ANGPTL1: variants seen among roughly 807,000 people sequenced by gnomAD.
ANGPTL1 encodes the protein angiopoietin-related protein 1.
In ANGPTL1, 36 loss-of-function variants were observed where a neutral mutation model predicts 46.7. The observed-to-expected ratio is 0.77, with a 90% CI of 0.59 to 1.02. The LOEUF is 1.02. ANGPTL1 is among the 50% of genes least tolerant of loss of function. The probability of loss-of-function intolerance (pLI) is 0.00; values close to 1 mark genes in which losing one functional copy is unlikely to be tolerated. For synonymous variants in ANGPTL1, 221 were observed against 204.3 expected (o/e 1.08, Z -0.69); for missense variants, 571 against 594.7 (o/e 0.96, Z 0.41).
chr1:178,851,499 A>C (rs1422519067), intron 5 of ANGPTL1, among the ~76,000 whole-genome samples, 183 bp from the exon 6 acceptor site: 1 of 152,096 alleles, frequency 6.6e-6, no homozygotes, highest in Non-Finnish European at 1.5e-5. Flanking sequence ...TTGAAAAATC[A>C]CTTGAATTGC....
In ANGPTL1 at chr1:178,865,523, A is replaced by C; in HGVS notation, c.254T>G (p.Leu85Arg). 9 of 1,614,092 alleles carry C rather than the reference A, an allele frequency of 5.6e-6. No homozygotes were observed. The highest frequency in any genetic ancestry group is 7.6e-6 in the Non-Finnish European group (9 of 1,180,000). Residue 85 changes from leucine to arginine, a missense_variant, in exon 3 of 6, where the codon CTT (leucine) becomes CGT (arginine). Transcript: ENST00000234816. ...TIKDMITRMD[L>R]ENLKDVLSRQ... The stretch of plus-strand genomic sequence containing the variant: ...GGAGAGCACATCCTTCAGGTTTTCA[A>C]GGTCCATCCTGGTGATCATGTCTTT...
intron 1 of ANGPTL1, among the ~76,000 whole-genome samples, chr1:178,869,575 G>C (rs1053169780): frequency 6.6e-6 from 1 of 152,086 alleles, no homozygotes; most frequent in Non-Finnish European, 1.5e-5. Flanking sequence ...AGAGATGACA[G>C]TATTTCAGAT....
chr1:178,869,987 T>C (rs1235405790), intron 1 of ANGPTL1, among the ~76,000 whole-genome samples: 2 of 152,138 alleles, frequency 1.3e-5, no homozygotes, highest in Non-Finnish European at 2.9e-5. Flanking sequence ...AATTACATCT[T>C]CTGGGTTCTT....
chr1:178,852,833 A>G lies in ANGPTL1; in HGVS notation c.1138T>C (p.Tyr380His). Reference protein sequence around the residue: ...ELEDWSDKKVYAEYSSFRLEP... With the variant: ...ELEDWSDKKVHAEYSSFRLEP... Reference sequence around the variant, plus strand: ...AGACGAAAGCTGCTGTATTCTGCATAGACTTTTTTATCACTCCAGTCTTCT... The same window carrying G: ...AGACGAAAGCTGCTGTATTCTGCATGGACTTTTTTATCACTCCAGTCTTCT... The change falls in exon 5 of 6, where the codon TAT becomes CAT. Residue 380 changes from tyrosine to histidine, a missense_variant. Coordinates refer to ENST00000234816, the MANE Select transcript of ANGPTL1 (RefSeq NM_004673.4). 1 of 1,613,964 alleles carries G rather than the reference A, an allele frequency of 6.2e-7. No homozygotes were observed. Among genetic ancestry groups the G allele is most frequent in the Non-Finnish European group, 8.5e-7 (1 of 1,179,872 alleles).
At chr1:178,856,202 G>GAGAGAGATATATATATATATATATATAT (rs1428022812) in intron 3 of ANGPTL1, among the ~76,000 whole-genome samples, 2 of 83,912 alleles carry the variant, frequency 2.4e-5, no homozygotes, top group African/African-American at 1.3e-4. Context: ...GAGAGAGAGA[G>GAGAGAGATATATATATATATATATATAT]ATATATATAT....
intron 3 of ANGPTL1, among the ~76,000 whole-genome samples, chr1:178,855,509 A>G (rs1010690711): frequency 3.9e-5 from 6 of 152,040 alleles, no homozygotes; most frequent in Non-Finnish European, 5.9e-5. Context: ...TGCAATATCC[A>G]TAAGTAGTAC....
At position 178,862,115 on chromosome 1, in the gene ANGPTL1, C is replaced by T. The variant is rs558362318; in HGVS notation, c.823+2839G>A. Among the ~76,000 whole-genome samples, 4 of 152,108 alleles carry T rather than the reference C, an allele frequency of 2.6e-5. No homozygotes were observed. The South Asian group carries it at 6.2e-4, about 24-fold the overall frequency. ...CTCAAACTCCTGACCTCAAGTGATC[C>T]GTCTGCCTCGGCCTCCGAAAGTGTT... is the stretch of plus-strand genomic sequence containing the variant. On this transcript the variant is annotated intron_variant, in intron 3 of 5. Transcript: ENST00000234816.
chr1:178,855,176 T>C (rs558866974), intron 3 of ANGPTL1, among the ~76,000 whole-genome samples: 21 of 152,184 alleles, frequency 1.4e-4, no homozygotes, highest in Middle Eastern at 3.4e-3. Context: ...TGTACAGTAT[T>C]CCTTTTGGGT....
At chr1:178,867,857 AT>A (rs1558161555) in intron 2 of ANGPTL1, among the ~76,000 whole-genome samples, 2 of 151,888 alleles carry the variant, frequency 1.3e-5, no homozygotes, top group African/African-American at 2.4e-5. Context: ...TATAACTCTT[AT>A]GCTGTCGTCA....
chr1:178,856,200 G>GATATATATATATATATATATAT (rs1348083361), intron 3 of ANGPTL1, among the ~76,000 whole-genome samples: 5 of 40,926 alleles, frequency 1.2e-4, no homozygotes, highest in African/African-American at 3.7e-4. Flanking sequence ...CAGAGAGAGA[G>GATATATATATATATATATATAT]AGATATATAT....
rs193120201 is a variant in ANGPTL1 at position 178,849,795 on chromosome 1, G to C, written c.*1334C>G. On this transcript the variant is annotated 3_prime_UTR_variant, in exon 6 of 6. Coordinates refer to ENST00000234816, the MANE Select transcript of ANGPTL1 (RefSeq NM_004673.4). ...AAACATTGGTCATGTTGATGGATTT[G>C]AGTTGTCCAAATGATTATCTTCACA... 2.0e-5 allele frequency: 3 copies of C among 152,338 alleles called. No homozygotes were observed. In the East Asian group the frequency reaches 5.8e-4, roughly 29 times the overall value. 9.4% of individuals were successfully genotyped at this position (152,338 alleles called of 1,614,324 possible). A position where few individuals can be genotyped will look rare whatever the true frequency, so the allele number is the denominator to read the frequency against.
At chr1:178,866,979 G>A (rs1304451280) in intron 2 of ANGPTL1, among the ~76,000 whole-genome samples, 1 of 151,998 alleles carries the variant, frequency 6.6e-6, no homozygotes, top group Non-Finnish European at 1.5e-5. Flanking sequence ...ATCTACTAAC[G>A]AGCTGGTCTA....
At chr1:178,855,870 G>T (rs1176901258) in intron 3 of ANGPTL1, among the ~76,000 whole-genome samples, 1 of 150,676 alleles carries the variant, frequency 6.6e-6, no homozygotes. Flanking sequence ...CTTTTTATCT[G>T]CCTATTGAGA....
intron 2 of ANGPTL1, among the ~76,000 whole-genome samples, chr1:178,868,241 CATTT>C (rs1412705095): frequency 3.3e-5 from 5 of 151,774 alleles, no homozygotes; most frequent in African/African-American, 1.2e-4. Context: ...ACCAATAAAA[CATTT>C]ATTATATCTC....
At chr1:178,853,242 A>G in intron 4 of ANGPTL1, 1 of 974,456 alleles carries the variant, frequency 1.0e-6, no homozygotes, top group Non-Finnish European at 1.2e-6. Flanking sequence ...GCTACTAAAA[A>G]TATTAGCTAG....
chr1:178,864,522 GAA>G (rs1658250055), intron 3 of ANGPTL1, among the ~76,000 whole-genome samples: 2 of 152,072 alleles, frequency 1.3e-5, no homozygotes, highest in Non-Finnish European at 2.9e-5. Context: ...TGAAGAGAGT[GAA>G]AGCAAAATTT....
rs1370638642 is a variant in ANGPTL1, at chr1:178,850,751, A to AT, written c.*377dup. The AT allele has an allele frequency of 6.4e-6, 1 of 155,084 alleles. No homozygotes were observed. The highest frequency in any genetic ancestry group is 1.4e-5 in the Non-Finnish European group (1 of 69,922). 9.6% of individuals were successfully genotyped at this position (155,084 alleles called of 1,614,324 possible). On this transcript the variant is annotated 3_prime_UTR_variant, in exon 6 of 6. Transcript: ENST00000234816. ...ATTATTTGGCTGAAATTTTAAAAATATTTTTTTCACTAGACGTTAGAGCAA... is the reference window on the plus strand; with the variant it reads ...ATTATTTGGCTGAAATTTTAAAAATATTTTTTTTCACTAGACGTTAGAGCAA...
intron 3 of ANGPTL1, among the ~76,000 whole-genome samples, chr1:178,863,214 G>T (rs1658153818): frequency 3.3e-5 from 5 of 152,148 alleles, no homozygotes; most frequent in Admixed American, 2.6e-4. Context: ...CCAAAAAGGG[G>T]ACATGAGTAG....
At chr1:178,852,636 C>A in intron 5 of ANGPTL1, 47 bp downstream of exon 5, 1 of 1,547,920 alleles carries the variant, frequency 6.5e-7, no homozygotes, top group Non-Finnish European at 8.8e-7. Context: ...CTATTTAATG[C>A]ATAGAAGGTG....
Sources: gnomAD v4.1 joint callset for allele counts (sites outside exome capture counted in the v4.1 genomes callset) on GRCh38, gnomAD v4.1.1 for gene constraint, MANE v1.5 for transcripts, NCBI Gene and HGNC (gene_info 2026-07-23, HGNC 2026-07-21) for gene names.